MDM4: variants seen among roughly 807,000 people sequenced by gnomAD.
The protein encoded by MDM4 is protein Mdm4.
A neutral mutation model predicts 60.2 loss-of-function variants in MDM4; 2 were observed. The ratio of observed to expected loss-of-function variants is 0.03; its 90% CI spans 0.01 to 0.10. The LOEUF is 0.10. Among genes scored for constraint, MDM4 ranks in the 10% least tolerant of loss-of-function variants. The probability of loss-of-function intolerance (pLI) is 1.00; values close to 1 mark genes in which losing one functional copy is unlikely to be tolerated. For synonymous variants in MDM4, 202 were observed against 198.1 expected, an observed-to-expected ratio of 1.02 and a Z score of -0.17; for missense variants, 447 against 577.5, an observed-to-expected ratio of 0.77 and a Z score of 2.32.
intron 5 of MDM4, 47 bp downstream of exon 5, chr1:204,532,293 A>T: frequency 3.3e-6 from 4 of 1,223,512 alleles, no homozygotes; most frequent in Non-Finnish European, 4.8e-6. Flanking sequence ...CTTTGAGTTC[A>T]AGGGGGCAAA....
intron 7 of MDM4, among the ~76,000 whole-genome samples, chr1:204,541,229 C>T (rs1379248774): frequency 6.6e-6 from 1 of 152,120 alleles, no homozygotes; most frequent in Non-Finnish European, 1.5e-5. Flanking sequence ...GAGGCTGAGG[C>T]AGGGGCATTA....
chr1:204,542,971 G>T (rs1558330920), intron 8 of MDM4, 27 bp downstream of exon 8: 5 of 1,580,902 alleles, frequency 3.2e-6, no homozygotes, highest in African/African-American at 2.7e-5. Flanking sequence ...AAGGGAAGTG[G>T]TTTTTTTTCT....
In MDM4 at chr1:204,550,789, C is replaced by G. The variant is rs1663131432; in HGVS notation, c.*1107C>G. 1.1e-5 allele frequency: 2 copies of G among 176,970 alleles called. No individual in the cohort carries two copies. Among genetic ancestry groups the G allele is most frequent in the East Asian group, 1.9e-4 (2 of 10,474 alleles). The allele number at this position is 176,970 out of a possible 1,614,324, so 11.0% of individuals were successfully genotyped here. On this transcript the variant is annotated 3_prime_UTR_variant, in exon 11 of 11. Transcript: ENST00000367182. ...GTTTAAGTGATTCCCCCGCCTCAGC[C>G]TCCCAAAGTGTTGGGCTTACAGCCT...
At chr1:204,546,146 A>T (rs1027851007) in intron 9 of MDM4, among the ~76,000 whole-genome samples, 5 of 152,160 alleles carry the variant, frequency 3.3e-5, no homozygotes, top group African/African-American at 1.2e-4. Flanking sequence ...CTGCTTAGAT[A>T]AAAAATTGCA....
intron 7 of MDM4, among the ~76,000 whole-genome samples, chr1:204,538,785 G>A (rs907940950): frequency 2.7e-5 from 4 of 149,852 alleles, no homozygotes; most frequent in East Asian, 2.0e-4. Flanking sequence ...AGCTCACTGC[G>A]ACCTCCACCT....
chr1:204,522,145 A>G (rs964081854), intron 1 of MDM4, among the ~76,000 whole-genome samples: 2 of 151,972 alleles, frequency 1.3e-5, no homozygotes, highest in Non-Finnish European at 2.9e-5. Context: ...CAGCCTGGGC[A>G]ACATAGCAAG....
At chr1:204,521,015 G>A (rs1429669907) in intron 1 of MDM4, among the ~76,000 whole-genome samples, 2 of 152,296 alleles carry the variant, frequency 1.3e-5, no homozygotes, top group East Asian at 3.9e-4. Context: ...CTGCTAAACG[G>A]GGATGTTAGT....
intron 7 of MDM4, among the ~76,000 whole-genome samples, chr1:204,541,906 A>G (rs1319952210): frequency 3.3e-5 from 5 of 152,152 alleles, no homozygotes; most frequent in African/African-American, 1.2e-4. Context: ...CATGGTTGCT[A>G]TGGGCAGGCC....
intron 1 of MDM4, among the ~76,000 whole-genome samples, chr1:204,519,542 T>G (rs1450740266): frequency 6.6e-6 from 1 of 151,990 alleles, no homozygotes; most frequent in Non-Finnish European, 1.5e-5. Context: ...AAAAATACAG[T>G]GGTTGGATTA....
chr1:204,537,522 T>C, intron 6 of MDM4, 25 bp downstream of exon 6: 2 of 1,565,228 alleles, frequency 1.3e-6, no homozygotes, highest in South Asian at 1.1e-5. Context: ...CGGTGACTTC[T>C]TTTGTTGTAC....
At chr1:204,535,657 C>T (rs983028812) in intron 5 of MDM4, among the ~76,000 whole-genome samples, 4 of 151,744 alleles carry the variant, frequency 2.6e-5, no homozygotes, top group Non-Finnish European at 5.9e-5. Flanking sequence ...CTCAGCCTCC[C>T]GAGTAGCTGG....
rs143097345 is a variant in MDM4 at position 204,539,545 on chromosome 1, T to G, written c.511+1237T>G. ...TTTTTTTTTGTTTTGTTTTGTTTTT[T>G]TTTTTTTGAGACAGGGTCTTGCTCT... On this transcript the variant is annotated intron_variant, in intron 7 of 10. Coordinates refer to ENST00000367182, the MANE Select transcript of MDM4 (RefSeq NM_002393.5). Among the ~76,000 whole-genome samples, 934 of 150,946 alleles carry G rather than the reference T, an allele frequency of 6.2e-3. 11 individuals carry two copies. The highest frequency in any genetic ancestry group is 0.021 in the African/African-American group (869 of 41,230).
rs183736459 is a variant in MDM4, at chr1:204,555,722, G to A, written c.*6040G>A. On this transcript the variant is annotated 3_prime_UTR_variant, in exon 11 of 11. Transcript: ENST00000367182. ...TCTACTAAAAATACAAAAATTAGCC[G>A]GTCGTGGTGGCGTGCACCTGTAGTC... 319 of 171,148 alleles carry A rather than the reference G, an allele frequency of 1.9e-3. 1 individual carries two copies. The highest frequency in any genetic ancestry group is 2.5e-3 in the Non-Finnish European group (201 of 79,006). 10.6% of individuals were successfully genotyped at this position (171,148 alleles called of 1,614,324 possible).
rs1572534306 is a variant in MDM4 at position 204,551,632 on chromosome 1, G to T, written c.*1950G>T. ...AGTTGGTTTCCATAGAGCTATGCAT[G>T]TATCCTTACCCCCATGGGAAAATGT... is the stretch of plus-strand genomic sequence containing the variant. On this transcript the variant is annotated 3_prime_UTR_variant, in exon 11 of 11. Coordinates refer to ENST00000367182, the MANE Select transcript of MDM4 (RefSeq NM_002393.5). The T allele has an allele frequency of 8.6e-6, 2 of 231,876 alleles. No individual in the cohort carries two copies. Among genetic ancestry groups the T allele is most frequent in the East Asian group, 1.2e-4 (2 of 16,422 alleles). 14.4% of individuals were successfully genotyped at this position (231,876 alleles called of 1,614,324 possible). A position where few individuals can be genotyped will look rare whatever the true frequency, so the allele number is the denominator to read the frequency against.
rs201696563 is a variant in MDM4 at position 204,533,759 on chromosome 1, TTTTC to T, written c.343+1525_343+1528del. On this transcript the variant is annotated intron_variant, in intron 5 of 10. Coordinates refer to ENST00000367182, the MANE Select transcript of MDM4 (RefSeq NM_002393.5). Reference sequence around the variant, plus strand: ...GAGAAGAATCCATTCCTTTTTATCTTTTTCTTTCTTTCTTTTCTTTTTCTTTTTT... The same window carrying T: ...GAGAAGAATCCATTCCTTTTTATCTTTTTCTTTCTTTTCTTTTTCTTTTTT... Among the ~76,000 whole-genome samples the T allele has an allele frequency of 5.6e-3, 843 of 150,944 alleles. 8 individuals are homozygous for T. Among genetic ancestry groups the T allele is most frequent in the East Asian group, 0.04 (203 of 5,106 alleles).
intron 1 of MDM4, among the ~76,000 whole-genome samples, chr1:204,524,729 A>G (rs1466420369): frequency 6.6e-6 from 1 of 152,260 alleles, no homozygotes; most frequent in East Asian, 1.9e-4. Flanking sequence ...GTGAGCCGAG[A>G]TTGCGCCATT....
intron 1 of MDM4, among the ~76,000 whole-genome samples, chr1:204,521,272 A>G (rs1261657624): frequency 2.6e-5 from 4 of 152,128 alleles, no homozygotes; most frequent in African/African-American, 7.2e-5. Context: ...TGAAACAGTC[A>G]TTTTATTTAT....
Position 204,537,447 on chromosome 1 carries a change from G to A in MDM4, c.361G>A (p.Ala121Thr), listed in dbSNP as rs1487408075. Residue 121 changes from alanine (A) to threonine (T), a missense_variant, in exon 6 of 11, where the codon GCT (alanine) becomes ACT (threonine). This residue lies in a region of MDM4 where 12 missense variants were observed against 28.6 expected (regional missense o/e 0.42). Coordinates refer to ENST00000367182, the MANE Select transcript of MDM4 (RefSeq NM_002393.5). ...TATTDAAQTL[A>T]LAQDHSMDIP... ...CTATCCAGATGCTGCTCAGACTCTC[G>A]CTCTCGCACAGGATCACAGTATGGA... The A allele has an allele frequency of 1.2e-6, 2 of 1,613,526 alleles. No homozygotes were observed. The highest frequency in any genetic ancestry group is 8.5e-7 in the Non-Finnish European group (1 of 1,179,522).
rs190594749 is a variant in MDM4, at chr1:204,533,509, A to C, written c.343+1263A>C. ...GTAGCTGGGATTATAGGCACATGCC[A>C]CCATGCCTGGCTAATTTTTTGTATT... On this transcript the variant is annotated intron_variant, in intron 5 of 10. Transcript: ENST00000367182. Among the ~76,000 whole-genome samples, 256 of 152,222 alleles carry C rather than the reference A, an allele frequency of 1.7e-3. 1 individual carries two copies. The highest frequency in any genetic ancestry group is 6.0e-3 in the African/African-American group (249 of 41,544).
Sources: allele counts gnomAD v4.1 joint callset (sites outside exome capture counted in the v4.1 genomes callset), GRCh38; gene constraint gnomAD v4.1.1; regional missense constraint gnomAD v4.1.1; transcripts MANE v1.5; gene names NCBI Gene and HGNC (gene_info 2026-07-23, HGNC 2026-07-21).